MDGA2: variants seen among roughly 807,000 people sequenced by gnomAD.
MDGA2 encodes MAM domain-containing glycosylphosphatidylinositol anchor protein 2.
In MDGA2, 40 loss-of-function variants were observed where a neutral mutation model predicts 117.8. The observed-to-expected ratio is 0.34, with a 90% CI of 0.26 to 0.44. The LOEUF is 0.44. Among genes scored for constraint, MDGA2 ranks in the 20% least tolerant of loss-of-function variants. The pLI is 1.00. For synonymous variants in MDGA2, 452 were observed against 439.0 expected (o/e 1.03, Z -0.37); for missense variants, 1,123 against 1,250.6 (o/e 0.90, Z 1.54).
chr14:47,633,793 T>C (rs947449527), intron 1 of MDGA2, among the ~76,000 whole-genome samples: 7 of 152,202 alleles, frequency 4.6e-5, no homozygotes, highest in Non-Finnish European at 1.0e-4. Flanking sequence ...CCATTTACCC[T>C]GGGTCTAATT....
rs548242356 is a variant in MDGA2, at chr14:47,168,483, A to C, written c.596-24209T>G. Among the ~76,000 whole-genome samples, 169 of 152,138 alleles carry C rather than the reference A, an allele frequency of 1.1e-3. 3 individuals are homozygous for C. Among genetic ancestry groups the C allele is most frequent in the Middle Eastern group, 3.4e-3 (1 of 294 alleles). Reference sequence around the variant, plus strand: ...TTTAAGTTGGGTATTCTCAACTGATATAAGCTATTGTTTTTCTTTTGCTCG... The same window carrying C: ...TTTAAGTTGGGTATTCTCAACTGATCTAAGCTATTGTTTTTCTTTTGCTCG... On this transcript the variant is annotated intron_variant, in intron 3 of 16. Coordinates refer to ENST00000399232, the MANE Select transcript of MDGA2 (RefSeq NM_001113498.3).
chr14:47,287,665 C>T (rs1361638117), intron 2 of MDGA2, among the ~76,000 whole-genome samples: 2 of 152,052 alleles, frequency 1.3e-5, no homozygotes, highest in Non-Finnish European at 2.9e-5. Context: ...TATGGATTAT[C>T]TAATTTCAAT....
chr14:46,865,016 A>G (rs922870740), intron 14 of MDGA2, among the ~76,000 whole-genome samples: 19 of 152,000 alleles, frequency 1.3e-4, no homozygotes, highest in Admixed American at 1.1e-3. Context: ...TTTAACTCCA[A>G]GGGAAAAAAA....
At chr14:47,584,473 G>C (rs1896286843) in intron 1 of MDGA2, among the ~76,000 whole-genome samples, 1 of 151,748 alleles carries the variant, frequency 6.6e-6, no homozygotes, top group South Asian at 2.1e-4. Context: ...GCTTTATGTA[G>C]AGAAAAGCAC....
At chr14:47,233,922 G>A (rs868302186) in intron 2 of MDGA2, among the ~76,000 whole-genome samples, 2 of 152,004 alleles carry the variant, frequency 1.3e-5, no homozygotes, top group Admixed American at 1.3e-4. Flanking sequence ...TTGCACTCAG[G>A]TCCTCTAAGA....
chr14:46,944,576 T>A (rs1447047024), intron 9 of MDGA2, among the ~76,000 whole-genome samples: 1 of 151,944 alleles, frequency 6.6e-6, no homozygotes, highest in Non-Finnish European at 1.5e-5. Context: ...TGCACCTGTT[T>A]TCAACTATTT....
intron 2 of MDGA2, among the ~76,000 whole-genome samples, chr14:47,292,726 T>C (rs865864965): frequency 3.3e-5 from 5 of 152,124 alleles, no homozygotes; most frequent in Admixed American, 6.5e-5. Context: ...ATGAAGTAGT[T>C]TAAATTTGGA....
intron 2 of MDGA2, among the ~76,000 whole-genome samples, chr14:47,238,115 CT>C (rs1452742443): frequency 3.3e-5 from 5 of 152,170 alleles, no homozygotes; most frequent in Non-Finnish European, 7.3e-5. Context: ...CTTCTTTTAA[CT>C]TCATGCAAGC....
intron 1 of MDGA2, among the ~76,000 whole-genome samples, chr14:47,401,987 T>G (rs1892158575): frequency 1.3e-5 from 2 of 152,170 alleles, no homozygotes; most frequent in African/African-American, 4.8e-5. Context: ...TCTAAAAGTA[T>G]GAAAATACAA....
chr14:47,184,656 T>C (rs1884841270), intron 3 of MDGA2, among the ~76,000 whole-genome samples: 2 of 151,826 alleles, frequency 1.3e-5, no homozygotes, highest in Admixed American at 6.6e-5. Context: ...ACTAATTAGA[T>C]GACACTTAAG....
chr14:47,449,162 C>T (rs1893188201), intron 1 of MDGA2, among the ~76,000 whole-genome samples: 1 of 152,146 alleles, frequency 6.6e-6, no homozygotes, highest in Non-Finnish European at 1.5e-5. Context: ...CAGCACCATT[C>T]CTAAAAATGT....
At chr14:47,161,186 T>A (rs530192912) in intron 3 of MDGA2, among the ~76,000 whole-genome samples, 65 of 152,292 alleles carry the variant, frequency 4.3e-4, no homozygotes, top group African/African-American at 1.5e-3. Flanking sequence ...TTACTTAATT[T>A]AATTACATTT....
At chr14:47,072,632 G>A (rs78864370) in intron 6 of MDGA2, among the ~76,000 whole-genome samples, 8,566 of 152,206 alleles carry the variant, frequency 0.056, 301 homozygotes, top group Non-Finnish European at 0.088. Context: ...AGAAAGGCAA[G>A]TTATTGGATG....
intron 7 of MDGA2, among the ~76,000 whole-genome samples, chr14:47,045,642 T>C (rs754410668): frequency 6.6e-6 from 1 of 152,070 alleles, no homozygotes; most frequent in Non-Finnish European, 1.5e-5. Context: ...GAATAGGGAC[T>C]CTACAAAAGA....
At chr14:47,656,668 GT>G (rs1418901993) in intron 1 of MDGA2, among the ~76,000 whole-genome samples, 1 of 152,184 alleles carries the variant, frequency 6.6e-6, no homozygotes, top group Non-Finnish European at 1.5e-5. Context: ...TCCTATGGGA[GT>G]GGGCACAAAG....
At chr14:47,071,546 G>A (rs1471064456) in intron 6 of MDGA2, among the ~76,000 whole-genome samples, 1 of 151,700 alleles carries the variant, frequency 6.6e-6, no homozygotes, top group Non-Finnish European at 1.5e-5. Context: ...TATAGTGTCT[G>A]TGGGTTTTTT....
At chr14:47,193,167 G>A (rs568225975) in intron 3 of MDGA2, among the ~76,000 whole-genome samples, 34 of 152,168 alleles carry the variant, frequency 2.2e-4, no homozygotes, top group Admixed American at 6.5e-4. Context: ...TTCAGTAATC[G>A]AATGCAACTT....
At position 47,631,771 on chromosome 14, in the gene MDGA2, T is replaced by G. The variant is rs576609042; in HGVS notation, c.280+42746A>C. On this transcript the variant is annotated intron_variant, in intron 1 of 16. Coordinates refer to ENST00000399232, the MANE Select transcript of MDGA2 (RefSeq NM_001113498.3). ...CCTTCTTAGTCACTTTGCAAGCTTCTTGTCTTGCACACATTGATGCAAGAC... is the reference window on the plus strand; with the variant it reads ...CCTTCTTAGTCACTTTGCAAGCTTCGTGTCTTGCACACATTGATGCAAGAC... Among the ~76,000 whole-genome samples the G allele has an allele frequency of 2.4e-4, 37 of 152,314 alleles. 1 individual carries two copies. The South Asian group carries it at 7.2e-3, about 30-fold the overall frequency.
intron 9 of MDGA2, among the ~76,000 whole-genome samples, chr14:46,925,384 C>A (rs1025199502): frequency 1.3e-5 from 2 of 152,012 alleles, no homozygotes; most frequent in Admixed American, 6.6e-5. Flanking sequence ...GTAATCCCAG[C>A]ACTTTGGGAG....
Sources: allele counts gnomAD v4.1 joint callset (sites outside exome capture counted in the v4.1 genomes callset), GRCh38; gene constraint gnomAD v4.1.1; transcripts MANE v1.5; gene names NCBI Gene and HGNC (gene_info 2026-07-23, HGNC 2026-07-21).